Variants in RBMX2 observed in about 807,000 individuals in gnomAD.
The protein encoded by RBMX2 is RNA-binding motif protein, X-linked 2.
For synonymous variants in RBMX2, 77 were observed against 94.3 expected (o/e 0.82, Z 1.07); for missense variants, 191 against 256.0 (o/e 0.75, Z 1.73).
At chrX:130,402,225 A>AACC in intron 1 of RBMX2, 30 bp from the exon 2 acceptor site, 25 of 984,641 alleles carry the variant, frequency 2.5e-5, no homozygotes, top group African/African-American at 4.0e-5. Flanking sequence ...TTTTCTGCCT[A>AACC]CCCTCCCCAC....
At chrX:130,409,065 G>A (rs769767636) in intron 3 of RBMX2, among the ~76,000 whole-genome samples, 192 bp from the exon 4 acceptor site, 2 of 111,617 alleles carry the variant, frequency 1.8e-5, no homozygotes, top group East Asian at 5.6e-4. Flanking sequence ...TCTTTGCTCT[G>A]GATATTGCCA....
At chrX:130,402,171 T>C (rs1382572607) in intron 1 of RBMX2, 84 bp from the exon 2 acceptor site, 24 of 1,162,853 alleles carry the variant, frequency 2.1e-5, no homozygotes, top group Middle Eastern at 5.1e-4. Context: ...GTCCCCTAGT[T>C]TTGCTCTTCC....
rs759099413 is a variant in RBMX2, at chrX:130,411,460, G to A, written c.416G>A (p.Arg139His). 1.5e-5 allele frequency: 18 copies of A among 1,204,795 alleles called. No individual in the cohort carries two copies. In the East Asian group the frequency reaches 3.3e-4, roughly 22 times the overall value. ...RQLQEKGCGA[R>H]TPSPSLSESS... Reference sequence around the variant, plus strand: ...CTCCAGGAGAAGGGCTGTGGGGCTCGTACCCCCTCACCAAGTTTGTCTGAG... The same window carrying A: ...CTCCAGGAGAAGGGCTGTGGGGCTCATACCCCCTCACCAAGTTTGTCTGAG... The change falls in exon 5 of 6, where the codon CGT (arginine) becomes CAT (histidine). Residue 139 changes from arginine to histidine, a missense_variant. Arg to His is a conservative substitution (Grantham distance 29, BLOSUM62 0). Coordinates refer to ENST00000305536, the MANE Select transcript of RBMX2 (RefSeq NM_016024.4).
At chrX:130,409,846 A>G (rs1003747831) in intron 4 of RBMX2, among the ~76,000 whole-genome samples, 1 of 111,902 alleles carries the variant, frequency 8.9e-6, no homozygotes, top group Non-Finnish European at 1.9e-5. Context: ...GGCCCTAGAA[A>G]TTCTCTAGTT....
At chrX:130,411,756 T>A (rs763621689) in intron 5 of RBMX2, among the ~76,000 whole-genome samples, 69 of 111,084 alleles carry the variant, frequency 6.2e-4, no homozygotes, top group South Asian at 1.2e-3. Flanking sequence ...AGAATGCGAC[T>A]GTATTTGGAG....
Position 130,402,270 on chromosome X carries a change from G to T in RBMX2, c.21G>T (p.Val7=). 1 of 1,196,180 alleles carries T rather than the reference G, an allele frequency of 8.4e-7. No homozygotes were observed. Among genetic ancestry groups the T allele is most frequent in the Non-Finnish European group, 1.1e-6 (1 of 888,292 alleles). ...CACCGTGAAGCCCTTTAACTAAGGT[G>T]AAGCTGATCAACGAGCTGAATGAAC... MNPLTK[V]KLINELNERE... Residue 7 remains valine (V), a synonymous_variant, in exon 2 of 6, where the codon GTG becomes GTT. Transcript: ENST00000305536.
rs2034526270 is a variant in RBMX2 at position 130,413,593 on chromosome X, C to T, written c.*745C>T. Among the ~76,000 whole-genome samples the T allele has an allele frequency of 9.1e-6, 1 of 110,187 alleles. No homozygotes were observed. Among genetic ancestry groups the T allele is most frequent in the Admixed American group, 9.7e-5 (1 of 10,278 alleles). ...CCCTCCTCCCTGTCCCTAGCAACCA[C>T]CAGTGGACTTCCTGTTTATGGGTTT... On this transcript the variant is annotated 3_prime_UTR_variant, in exon 6 of 6. Transcript: ENST00000305536.
In RBMX2 at chrX:130,413,534, C is replaced by A. The variant is rs2034525796; in HGVS notation, c.*686C>A. Among the ~76,000 whole-genome samples, 1 of 109,509 alleles carries A rather than the reference C, an allele frequency of 9.1e-6. No individual in the cohort carries two copies. Among genetic ancestry groups the A allele is most frequent in the African/African-American group, 3.3e-5 (1 of 29,990 alleles). ...ATTTTTTATCATCCCAAAATGAAAC[C>A]CTGTAGCCATTAAACAAGAGCTCCC... On this transcript the variant is annotated 3_prime_UTR_variant, in exon 6 of 6. Coordinates refer to ENST00000305536, the MANE Select transcript of RBMX2 (RefSeq NM_016024.4).
intron 3 of RBMX2, 113 bp downstream of exon 3, chrX:130,403,966 C>G: frequency 1.4e-6 from 1 of 736,701 alleles, no homozygotes; most frequent in Non-Finnish European, 2.1e-6. Flanking sequence ...AATGGCATCC[C>G]TGCATGGGGA....
intron 1 of RBMX2, 31 bp from the exon 2 acceptor site, chrX:130,402,224 T>TTGCCCCCCCC: frequency 8.5e-7 from 1 of 1,174,329 alleles, no homozygotes; most frequent in Non-Finnish European, 1.1e-6. Flanking sequence ...CTTTTCTGCC[T>TTGCCCCCCCC]ACCCTCCCCA....
chrX:130,402,225 A>ACCCAAC, intron 1 of RBMX2, 30 bp from the exon 2 acceptor site: 44 of 984,655 alleles, frequency 4.5e-5, no homozygotes, highest in Non-Finnish European at 5.5e-5. Context: ...TTTTCTGCCT[A>ACCCAAC]CCCTCCCCAC....
At chrX:130,404,561 G>A (rs934557794) in intron 3 of RBMX2, 16 of 112,607 alleles carry the variant, frequency 1.4e-4, no homozygotes, top group African/African-American at 4.8e-4. Flanking sequence ...GGACCACTAC[G>A]TTTGGGTTTT....
chrX:130,402,225 A>ACCCAACCCCCCC, intron 1 of RBMX2, 30 bp from the exon 2 acceptor site: 23 of 984,747 alleles, frequency 2.3e-5, no homozygotes, highest in South Asian at 4.0e-5. Flanking sequence ...TTTTCTGCCT[A>ACCCAACCCCCCC]CCCTCCCCAC....
At chrX:130,410,512 G>A (rs767030383) in intron 4 of RBMX2, among the ~76,000 whole-genome samples, 2 of 110,607 alleles carry the variant, frequency 1.8e-5, no homozygotes, top group South Asian at 7.8e-4. Flanking sequence ...TCAGCCTCCT[G>A]AGTAGCTGGA....
At chrX:130,403,528 C>T (rs897888107) in intron 2 of RBMX2, among the ~76,000 whole-genome samples, 1 of 111,515 alleles carries the variant, frequency 9.0e-6, no homozygotes, top group East Asian at 2.8e-4. Context: ...GCCACCTCAC[C>T]TGGCTGATTT....
intron 3 of RBMX2, among the ~76,000 whole-genome samples, chrX:130,407,810 A>C (rs1212079117): frequency 9.2e-6 from 1 of 109,231 alleles, no homozygotes; most frequent in African/African-American, 3.3e-5. Flanking sequence ...GGTGCACACT[A>C]TGCCTGGCTA....
At chrX:130,409,725 A>G (rs1046686340) in intron 4 of RBMX2, among the ~76,000 whole-genome samples, 1 of 111,255 alleles carries the variant, frequency 9.0e-6, no homozygotes, top group Non-Finnish European at 1.9e-5. Context: ...ACTAGCAAAC[A>G]TTGCTCTTCC....
rs368431136 is a variant in RBMX2, at chrX:130,412,404, C to T, written c.525C>T (p.Ala175=). 3.3e-4 allele frequency: 380 copies of T among 1,167,020 alleles called. No homozygotes were observed. Among genetic ancestry groups the T allele is most frequent in the Non-Finnish European group, 4.2e-4 (366 of 879,994 alleles). Residue 175 remains alanine (A), a synonymous_variant, in exon 6 of 6, where the codon GCC becomes GCT. Transcript: ENST00000305536. The part of the protein sequence containing the change: ...KKKKKKEKEK[A]DREVQAEQPS... Reference sequence around the variant, plus strand: ...AAAAAAAGAAAGAAAAAGAGAAAGCCGACCGGGAGGTACAGGCAGAGCAAC... The same window carrying T: ...AAAAAAAGAAAGAAAAAGAGAAAGCTGACCGGGAGGTACAGGCAGAGCAAC...
At chrX:130,410,055 G>T (rs2034504932) in intron 4 of RBMX2, among the ~76,000 whole-genome samples, 1 of 111,847 alleles carries the variant, frequency 8.9e-6, no homozygotes, top group Admixed American at 9.5e-5. Context: ...AGAGTTGGTG[G>T]GGGGAGGCTT....
Sources: allele counts gnomAD v4.1 joint callset (sites outside exome capture counted in the v4.1 genomes callset), GRCh38; gene constraint gnomAD v4.1.1; transcripts MANE v1.5; gene names NCBI Gene and HGNC (gene_info 2026-07-23, HGNC 2026-07-21).